The following RAB23 variants were observed in gnomAD, a reference collection of about 807,000 sequenced individuals.
The protein encoded by RAB23 is ras-related protein Rab-23.
A neutral mutation model predicts 30.0 loss-of-function variants in RAB23; 15 were observed. The ratio of observed to expected loss-of-function variants is 0.50; its 90% CI spans 0.33 to 0.77. The LOEUF is 0.77. RAB23 is among the 30% of genes least tolerant of loss of function. RAB23 has a pLI of 0.02. For missense variants in RAB23, 243 were observed against 275.4 expected (o/e 0.88, Z 0.83); for synonymous variants, 93 against 94.0 (o/e 0.99, Z 0.06).
At position 57,187,681 on chromosome 6, in the gene RAB23, C is replaced by T. The variant is rs531538724; in HGVS notation, c.*2780G>A. 32 of 152,102 alleles carry T rather than the reference C, an allele frequency of 2.1e-4. No homozygotes were observed. Among genetic ancestry groups the T allele is most frequent in the African/African-American group, 7.2e-4 (30 of 41,496 alleles). The allele number at this position is 152,102 out of a possible 1,614,324, so 9.4% of individuals were successfully genotyped here. On this transcript the variant is annotated 3_prime_UTR_variant, in exon 7 of 7. Coordinates refer to ENST00000468148, the MANE Select transcript of RAB23 (RefSeq NM_016277.5). ...GGACATTAGGTCCTAAGGCCAACTC[C>T]CTATTCTAAGGTCTTCAGAAAAGGT...
At chr6:57,196,377 AACTATGCAAAAATTAAGATGTCTTAAC>A in intron 4 of RAB23, 46 bp downstream of exon 4, 1 of 1,569,394 alleles carries the variant, frequency 6.4e-7, no homozygotes, top group Non-Finnish European at 8.8e-7. Flanking sequence ...GAACCTGTAA[AACTATGCAAAAATTAAGATGTCTTAAC>A]TTTATAGAAT....
At chr6:57,191,851 G>C (rs186606870) in intron 6 of RAB23, among the ~76,000 whole-genome samples, 46 of 151,602 alleles carry the variant, frequency 3.0e-4, no homozygotes, top group African/African-American at 1.1e-3. Context: ...AGTTGTGTGT[G>C]TGTGTGTGTT....
chr6:57,199,371 G>A (rs2127999583), intron 3 of RAB23, among the ~76,000 whole-genome samples: 1 of 152,276 alleles, frequency 6.6e-6, no homozygotes, highest in East Asian at 1.9e-4. Flanking sequence ...ACGCTTTACT[G>A]GTTTTTCTCC....
Position 57,207,635 on chromosome 6 carries a change from G to T in RAB23, c.234C>A (p.Tyr78Ter). ...QEEFDAITKAYYRGAQACVLV... is the reference protein window; with the variant it reads ...QEEFDAITKA ...ATAAATCCTGTGTTTTACCTCGATAGTAGGCCTTTGTAATTGCATCAAATT... is the reference window on the plus strand; with the variant it reads ...ATAAATCCTGTGTTTTACCTCGATATTAGGCCTTTGTAATTGCATCAAATT... Residue 78 changes from tyrosine (Y) to a stop codon, truncating the protein, a stop_gained, in exon 3 of 7, where the codon TAC becomes TAA. Transcript: ENST00000468148. LOFTEE classifies it high-confidence loss of function. 1 of 1,590,684 alleles carries T rather than the reference G, an allele frequency of 6.3e-7. No individual in the cohort carries two copies. The highest frequency in any genetic ancestry group is 1.3e-5 in the African/African-American group (1 of 74,464).
At chr6:57,193,028 C>T (rs1013396397) in intron 6 of RAB23, among the ~76,000 whole-genome samples, 1 of 152,108 alleles carries the variant, frequency 6.6e-6, no homozygotes, top group Admixed American at 6.5e-5. Flanking sequence ...AGAGAATCTG[C>T]ATTTACTTTG....
intron 1 of RAB23, among the ~76,000 whole-genome samples, chr6:57,220,110 C>T (rs1765999890): frequency 6.6e-6 from 1 of 152,170 alleles, no homozygotes; most frequent in South Asian, 2.1e-4. Flanking sequence ...GAGACTTTGC[C>T]AGATACCTCA....
chr6:57,200,061 T>C (rs1348806003), intron 3 of RAB23, among the ~76,000 whole-genome samples: 1 of 152,110 alleles, frequency 6.6e-6, no homozygotes, highest in Non-Finnish European at 1.5e-5. Flanking sequence ...AAACTTTGAC[T>C]GAGGTACCAA....
At chr6:57,220,891 T>G (rs939159021) in intron 1 of RAB23, among the ~76,000 whole-genome samples, 3 of 152,118 alleles carry the variant, frequency 2.0e-5, no homozygotes, top group Non-Finnish European at 4.4e-5. Context: ...TAAAATAAAT[T>G]TAAAGAAAAA....
intron 3 of RAB23, among the ~76,000 whole-genome samples, chr6:57,207,222 A>G (rs1765483456): frequency 6.6e-6 from 1 of 152,202 alleles, no homozygotes; most frequent in South Asian, 2.1e-4. Context: ...CTGAACTCCT[A>G]CAGCAGTGAA....
chr6:57,197,241 G>C (rs1765058850), intron 3 of RAB23, among the ~76,000 whole-genome samples: 1 of 151,794 alleles, frequency 6.6e-6, no homozygotes, highest in Admixed American at 6.6e-5. Context: ...ATAATAGAGG[G>C]GTTGGGGGAA....
At chr6:57,193,734 A>G (rs1017756264) in intron 6 of RAB23, 108 bp downstream of exon 6, 6 of 1,423,058 alleles carry the variant, frequency 4.2e-6, no homozygotes, top group Non-Finnish European at 4.7e-6. Flanking sequence ...CACTGACTTA[A>G]TAGTTTAATA....
At chr6:57,207,306 T>C (rs1765486941) in intron 3 of RAB23, among the ~76,000 whole-genome samples, 1 of 152,194 alleles carries the variant, frequency 6.6e-6, no homozygotes, top group Admixed American at 6.5e-5. Flanking sequence ...TTTTCGTATG[T>C]TAGCTTCCAC....
At chr6:57,206,646 G>A (rs1234681797) in intron 3 of RAB23, among the ~76,000 whole-genome samples, 1 of 152,146 alleles carries the variant, frequency 6.6e-6, no homozygotes, top group East Asian at 1.9e-4. Context: ...GAGGAATGGT[G>A]TGGAAGCAGC....
rs1443701738 is a variant in RAB23, at chr6:57,189,900, CTT to C, written c.*559_*560del. 1.3e-5 allele frequency: 2 copies of C among 159,398 alleles called. No homozygotes were observed. Among genetic ancestry groups the C allele is most frequent in the Non-Finnish European group, 2.8e-5 (2 of 71,944 alleles). 9.9% of individuals were successfully genotyped at this position (159,398 alleles called of 1,614,324 possible). On this transcript the variant is annotated 3_prime_UTR_variant, in exon 7 of 7. Transcript: ENST00000468148. ...TCTTAAATACTGCACATACCTTCAG[CTT>C]ACTCCAGTACCAGACATCTGCATGC...
chr6:57,191,847 G>A (rs1424989429), intron 6 of RAB23, among the ~76,000 whole-genome samples: 1 of 151,360 alleles, frequency 6.6e-6, no homozygotes, highest in African/African-American at 2.4e-5. Context: ...TCTGAGTTGT[G>A]TGTGTGTGTG....
intron 1 of RAB23, 78 bp downstream of exon 1, chr6:57,221,648 G>T (rs1313436527): frequency 2.0e-5 from 3 of 152,520 alleles, no homozygotes; most frequent in African/African-American, 4.8e-5. Context: ...AAAGCCGAAC[G>T]TTCGGCCAGA....
intron 2 of RAB23, among the ~76,000 whole-genome samples, chr6:57,208,657 A>G (rs984716785): frequency 4.7e-5 from 7 of 148,226 alleles, no homozygotes; most frequent in Middle Eastern, 3.6e-3. Context: ...AAAGCGATTT[A>G]CCTCCCTGGC....
Position 57,190,300 on chromosome 6 carries a change from C to A in RAB23, c.*161G>T. 1 of 828,388 alleles carries A rather than the reference C, an allele frequency of 1.2e-6. No individual in the cohort carries two copies. The allele number at this position is 828,388 out of a possible 1,614,324, so 51.3% of individuals were successfully genotyped here. On this transcript the variant is annotated 3_prime_UTR_variant, in exon 7 of 7. Transcript: ENST00000468148. ...TAATTTTTCCACCAGAGGTCTCACTCTACATTCTGAAAAGCACTGCAGAGC... is the reference window on the plus strand; with the variant it reads ...TAATTTTTCCACCAGAGGTCTCACTATACATTCTGAAAAGCACTGCAGAGC...
Position 57,194,834 on chromosome 6 carries a change from C to G in RAB23, c.417G>C (p.Leu139=). ...SCIKNEEAEA[L]AKRLKLRFYR... Reference sequence around the variant, plus strand: ...AGAATCTTAACTTTAACCTTTTTGCCAGTGCCTCAGCTTCCTCACTGCACA... The same window carrying G: ...AGAATCTTAACTTTAACCTTTTTGCGAGTGCCTCAGCTTCCTCACTGCACA... The change falls in exon 5 of 7, where the codon CTG becomes CTC. Residue 139 remains leucine (L), a synonymous_variant. Transcript: ENST00000468148. The G allele has an allele frequency of 6.2e-7, 1 of 1,613,084 alleles. No individual in the cohort carries two copies. Among genetic ancestry groups the G allele is most frequent in the South Asian group, 1.1e-5 (1 of 90,996 alleles).
Sources: gnomAD v4.1 joint callset for allele counts (sites outside exome capture counted in the v4.1 genomes callset) on GRCh38, gnomAD v4.1.1 for gene constraint, MANE v1.5 for transcripts, NCBI Gene and HGNC (gene_info 2026-07-23, HGNC 2026-07-21) for gene names.